The following SGCZ variants were observed in gnomAD, a reference collection of about 807,000 sequenced individuals.
SGCZ encodes the protein sarcoglycan zeta, also known as zeta-sarcoglycan.
In SGCZ, 40 loss-of-function variants were observed where a neutral mutation model predicts 41.3. The ratio of observed to expected loss-of-function variants is 0.97; its 90% CI spans 0.75 to 1.26. SGCZ has a LOEUF of 1.26. Among genes scored for constraint, SGCZ ranks in the 50% most tolerant of loss-of-function variants. The pLI, the probability that SGCZ is intolerant of heterozygous loss-of-function variation, is 0.00. For synonymous variants in SGCZ, 206 were observed against 137.5 expected, an observed-to-expected ratio of 1.50 and a Z score of -3.49; for missense variants, 552 against 369.8, an observed-to-expected ratio of 1.49 and a Z score of -4.04.
At chr8:14,584,288 G>A (rs771647752) in intron 1 of SGCZ, among the ~76,000 whole-genome samples, 1 of 152,112 alleles carries the variant, frequency 6.6e-6, no homozygotes, top group Non-Finnish European at 1.5e-5. Context: ...CAGGTAACCC[G>A]AGAAAGTCAT....
At chr8:14,830,990 G>T (rs1056755598) in intron 1 of SGCZ, among the ~76,000 whole-genome samples, 1 of 152,092 alleles carries the variant, frequency 6.6e-6, no homozygotes, top group Non-Finnish European at 1.5e-5. Flanking sequence ...CTTGAAAGGA[G>T]CCAGCTATGT....
chr8:14,176,934 G>C (rs1170354393), intron 4 of SGCZ, among the ~76,000 whole-genome samples: 3 of 152,178 alleles, frequency 2.0e-5, no homozygotes, highest in Admixed American at 6.5e-5. Flanking sequence ...ATAAACTCAA[G>C]AACACATCAA....
chr8:14,215,292 T>A (rs1805955608), intron 4 of SGCZ, among the ~76,000 whole-genome samples: 1 of 151,950 alleles, frequency 6.6e-6, no homozygotes, highest in Non-Finnish European at 1.5e-5. Flanking sequence ...AAAAGTTAAA[T>A]AAATACATAC....
chr8:15,068,787 T>G (rs1805244931), intron 1 of SGCZ, among the ~76,000 whole-genome samples: 1 of 152,180 alleles, frequency 6.6e-6, no homozygotes. Flanking sequence ...TTCTCTCATT[T>G]AAAAAATGTC....
At position 14,383,140 on chromosome 8, in the gene SGCZ, A is replaced by T. The variant is rs143182341; in HGVS notation, c.235-58936T>A. Reference sequence around the variant, plus strand: ...ATTCACCAAATACAAAGTCTGCAGTAGATATCAGAAGGCTATGCTATAAAT... The same window carrying T: ...ATTCACCAAATACAAAGTCTGCAGTTGATATCAGAAGGCTATGCTATAAAT... On this transcript the variant is annotated intron_variant, in intron 2 of 7. Transcript: ENST00000382080. Among the ~76,000 whole-genome samples, 151 of 152,346 alleles carry T rather than the reference A, an allele frequency of 9.9e-4. 1 individual carries two copies. Among genetic ancestry groups the T allele is most frequent in the African/African-American group, 3.5e-3 (144 of 41,586 alleles).
At chr8:14,165,726 T>C (rs867099535) in intron 4 of SGCZ, among the ~76,000 whole-genome samples, 87 of 152,276 alleles carry the variant, frequency 5.7e-4, no homozygotes, top group African/African-American at 2.0e-3. Context: ...TTCTTTTCAT[T>C]TGTCTTTATG....
intron 1 of SGCZ, among the ~76,000 whole-genome samples, chr8:15,110,126 C>T (rs1395219703): frequency 1.3e-5 from 2 of 151,978 alleles, no homozygotes; most frequent in African/African-American, 4.8e-5. Flanking sequence ...GCCAATGGCA[C>T]GTTAGTGAGA....
intron 2 of SGCZ, among the ~76,000 whole-genome samples, chr8:14,421,209 G>C (rs536448253): frequency 6.6e-6 from 1 of 152,098 alleles, no homozygotes; most frequent in African/African-American, 2.4e-5. Flanking sequence ...ATACCAAAAA[G>C]GTAAGGGGCT....
intron 1 of SGCZ, among the ~76,000 whole-genome samples, chr8:15,060,358 T>C (rs1304114160): frequency 3.3e-5 from 5 of 152,004 alleles, no homozygotes; most frequent in Admixed American, 6.6e-5. Flanking sequence ...GATGAGTTCA[T>C]GTCCTTTGTA....
intron 1 of SGCZ, among the ~76,000 whole-genome samples, chr8:14,745,371 T>C (rs1043755807): frequency 6.6e-6 from 1 of 152,176 alleles, no homozygotes; most frequent in Non-Finnish European, 1.5e-5. Context: ...TAATACATAT[T>C]GATCTGTTGC....
chr8:15,025,185 C>T (rs573086349), intron 1 of SGCZ, among the ~76,000 whole-genome samples: 1 of 152,092 alleles, frequency 6.6e-6, no homozygotes, highest in East Asian at 1.9e-4. Context: ...AAACCAAGAA[C>T]AGTATAAGCA....
chr8:14,277,871 A>T (rs951697632), intron 3 of SGCZ, among the ~76,000 whole-genome samples: 1 of 152,150 alleles, frequency 6.6e-6, no homozygotes, highest in African/African-American at 2.4e-5. Context: ...GTAAGCAAAT[A>T]ACCAGGAAAG....
intron 1 of SGCZ, among the ~76,000 whole-genome samples, chr8:14,557,865 A>C (rs1001656002): frequency 6.6e-6 from 1 of 152,156 alleles, no homozygotes; most frequent in Non-Finnish European, 1.5e-5. Flanking sequence ...ACAACAGATA[A>C]ATGAAACACA....
chr8:14,328,164 C>G (rs1802191037), intron 2 of SGCZ, among the ~76,000 whole-genome samples: 1 of 152,096 alleles, frequency 6.6e-6, no homozygotes, highest in Non-Finnish European at 1.5e-5. Context: ...ATATAATCAA[C>G]CTGACTCTCA....
rs1018881954 is a variant in SGCZ at position 14,444,145 on chromosome 8, T to A, written c.234+110587A>T. 7.4e-4 allele frequency among the ~76,000 whole-genome samples: 112 copies of A among 152,216 alleles called. 1 individual carries two copies. The highest frequency in any genetic ancestry group is 2.7e-3 in the African/African-American group (111 of 41,516). The stretch of plus-strand genomic sequence containing the variant: ...TCACACTAGTTAGAATGGCGATCAT[T>A]AAAAAGTCAGGAAACAACAGGTGCT... On this transcript the variant is annotated intron_variant, in intron 2 of 7. Coordinates refer to ENST00000382080, the MANE Select transcript of SGCZ (RefSeq NM_139167.4).
chr8:14,684,378 C>A (rs552413854), intron 1 of SGCZ, among the ~76,000 whole-genome samples: 1 of 152,090 alleles, frequency 6.6e-6, no homozygotes, highest in Non-Finnish European at 1.5e-5. Context: ...TATGTACAGA[C>A]ACATTTTGGT....
chr8:14,611,068 AAAT>A (rs532823358), intron 1 of SGCZ, among the ~76,000 whole-genome samples: 88 of 152,298 alleles, frequency 5.8e-4, no homozygotes, highest in African/African-American at 2.0e-3. Context: ...GAAGATAGTA[AAAT>A]AATAATAATC....
intron 2 of SGCZ, among the ~76,000 whole-genome samples, chr8:14,355,711 A>G (rs1235820757): frequency 1.3e-5 from 2 of 152,080 alleles, no homozygotes; most frequent in African/African-American, 2.4e-5. Context: ...TTTAATTAAA[A>G]GACTCTCTGT....
intron 1 of SGCZ, among the ~76,000 whole-genome samples, chr8:15,171,571 T>C (rs1799831680): frequency 1.3e-5 from 2 of 152,210 alleles, no homozygotes; most frequent in Non-Finnish European, 2.9e-5. Context: ...GGGTATTATG[T>C]AGAAATTCAA....
Sources: allele counts gnomAD v4.1 joint callset (sites outside exome capture counted in the v4.1 genomes callset), GRCh38; gene constraint gnomAD v4.1.1; transcripts MANE v1.5; gene names NCBI Gene and HGNC (gene_info 2026-07-23, HGNC 2026-07-21).